The following RAPGEF4 variants were observed in gnomAD, a reference collection of about 807,000 sequenced individuals.
The protein encoded by RAPGEF4 is Rap guanine nucleotide exchange factor 4.
RAPGEF4 carries 66 observed loss-of-function variants against 147.9 expected under a neutral mutation model. The ratio of observed to expected loss-of-function variants is 0.45; its 90% CI spans 0.37 to 0.55. The LOEUF is 0.55. Among genes scored for constraint, RAPGEF4 ranks in the 20% least tolerant of loss-of-function variants. The probability of loss-of-function intolerance (pLI) is 0.00; values close to 1 mark genes in which losing one functional copy is unlikely to be tolerated. For synonymous variants in RAPGEF4, 419 were observed against 442.7 expected, an observed-to-expected ratio of 0.95 and a Z score of 0.67; for missense variants, 1,071 against 1,257.3, an observed-to-expected ratio of 0.85 and a Z score of 2.24.
At chr2:172,992,572 A>C (rs556970098) in intron 15 of RAPGEF4, among the ~76,000 whole-genome samples, 2 of 152,344 alleles carry the variant, frequency 1.3e-5, no homozygotes, top group Non-Finnish European at 2.9e-5. Context: ...TTGGGGAATG[A>C]TCAAAAGCAT....
chr2:172,798,285 AGAAT>A (rs1686596851), intron 3 of RAPGEF4, among the ~76,000 whole-genome samples: 2 of 152,232 alleles, frequency 1.3e-5, no homozygotes, highest in South Asian at 2.1e-4. Flanking sequence ...AAAGAAAGAA[AGAAT>A]ATTAAAAAAA....
intron 3 of RAPGEF4, among the ~76,000 whole-genome samples, chr2:172,801,710 C>T: frequency 6.6e-6 from 1 of 152,100 alleles, no homozygotes. Context: ...AATGCTTGCC[C>T]ATTGTGGTTG....
intron 8 of RAPGEF4, chr2:172,965,294 C>T (rs1689709378): frequency 4.7e-6 from 2 of 424,422 alleles, no homozygotes; most frequent in Admixed American, 3.9e-5. Flanking sequence ...CCTCTAGCGG[C>T]CCCCTGGTCT....
intron 6 of RAPGEF4, among the ~76,000 whole-genome samples, chr2:172,956,666 T>A (rs1482732376): frequency 6.6e-6 from 1 of 152,076 alleles, no homozygotes; most frequent in Non-Finnish European, 1.5e-5. Flanking sequence ...GAGACGGGGT[T>A]TCACCGTGTT....
intron 10 of RAPGEF4, among the ~76,000 whole-genome samples, chr2:172,969,864 C>T (rs1268562287): frequency 2.6e-5 from 4 of 152,246 alleles, no homozygotes; most frequent in East Asian, 1.9e-4. Flanking sequence ...ACCATTGAAT[C>T]GCATGATCCC....
intron 25 of RAPGEF4, among the ~76,000 whole-genome samples, chr2:173,028,315 C>G (rs1696853057): frequency 6.6e-6 from 1 of 152,178 alleles, no homozygotes; most frequent in Non-Finnish European, 1.5e-5. Flanking sequence ...AGCCTTATGG[C>G]AAGGGACAAA....
Position 173,042,165 on chromosome 2 carries a change from A to G in RAPGEF4, c.2853+5473A>G, listed in dbSNP as rs963259173. ...TCACTGATATTTCTCCAGCACCATA[A>G]AAATATCTGACGCATTATTTCCCCA... On this transcript the variant is annotated intron_variant, in intron 29 of 30. Transcript: ENST00000397081. This position sits in a 1 kb window ranked among gnomAD's most constrained non-coding sequence, Gnocchi z 4.2. 3.9e-5 allele frequency among the ~76,000 whole-genome samples: 6 copies of G among 152,210 alleles called. No homozygotes were observed. The highest frequency in any genetic ancestry group is 1.4e-4 in the African/African-American group (6 of 41,440).
intron 1 of RAPGEF4, among the ~76,000 whole-genome samples, chr2:172,737,145 T>C (rs6742924): frequency 0.12 from 17,530 of 152,242 alleles, 1,207 homozygotes; most frequent in African/African-American, 0.19. Flanking sequence ...AAAAGCTTAA[T>C]ATATCTGAGA....
intron 4 of RAPGEF4, among the ~76,000 whole-genome samples, chr2:172,902,600 G>T (rs1015481076): frequency 6.6e-6 from 1 of 152,046 alleles, no homozygotes; most frequent in Non-Finnish European, 1.5e-5. Context: ...CTTCAAACAT[G>T]TGGCACCCTA....
intron 1 of RAPGEF4, among the ~76,000 whole-genome samples, chr2:172,749,443 G>T (rs1227496350): frequency 6.6e-6 from 1 of 152,184 alleles, no homozygotes; most frequent in Non-Finnish European, 1.5e-5. Context: ...CTGAAGCTTT[G>T]GCCTAAGCTG....
At position 173,052,491 on chromosome 2, in the gene RAPGEF4, C is replaced by T. The variant is rs1023842453; in HGVS notation, c.*724C>T. The T allele has an allele frequency of 6.6e-6, 1 of 152,572 alleles. No homozygotes were observed. Among genetic ancestry groups the T allele is most frequent in the Admixed American group, 6.5e-5 (1 of 15,268 alleles). The allele number at this position is 152,572 out of a possible 1,614,324, so 9.5% of individuals were successfully genotyped here. ...TTGCCAGCGTTAAAGTAGAAAATAA[C>T]ATTTCAGAAGAGCACAATATGCATA... On this transcript the variant is annotated 3_prime_UTR_variant, in exon 31 of 31. Coordinates refer to ENST00000397081, the MANE Select transcript of RAPGEF4 (RefSeq NM_007023.4).
chr2:172,743,943 T>G (rs1395963867), intron 1 of RAPGEF4, among the ~76,000 whole-genome samples: 1 of 152,236 alleles, frequency 6.6e-6, no homozygotes, highest in Non-Finnish European at 1.5e-5. Flanking sequence ...CCTATTTCTC[T>G]AAAGCATTCT....
rs1259779920 is a variant in RAPGEF4, at chr2:172,804,716, G to A, written c.297+7103G>A. On this transcript the variant is annotated intron_variant, in intron 3 of 30. Coordinates refer to ENST00000397081, the MANE Select transcript of RAPGEF4 (RefSeq NM_007023.4). Reference sequence around the variant, plus strand: ...CTCACAAGCTCCTCCAGTGTCCGTAGTGGGGTGGAGAGGGGTGATGGGGAT... The same window carrying A: ...CTCACAAGCTCCTCCAGTGTCCGTAATGGGGTGGAGAGGGGTGATGGGGAT... Among the ~76,000 whole-genome samples, 3 of 152,216 alleles carry A rather than the reference G, an allele frequency of 2.0e-5. No homozygotes were observed. In the East Asian group the frequency reaches 5.8e-4, roughly 29 times the overall value.
intron 1 of RAPGEF4, among the ~76,000 whole-genome samples, chr2:172,788,109 T>C (rs1368550105): frequency 6.6e-6 from 1 of 152,202 alleles, no homozygotes; most frequent in Non-Finnish European, 1.5e-5. Flanking sequence ...CTGGGGTCTC[T>C]TATAATAGCA....
chr2:173,050,209 A>G (rs1212412656), intron 30 of RAPGEF4, among the ~76,000 whole-genome samples: 1 of 152,248 alleles, frequency 6.6e-6, no homozygotes, highest in African/African-American at 2.4e-5. Flanking sequence ...AACAATCTAT[A>G]GATAAAGCTA....
At position 173,002,615 on chromosome 2, in the gene RAPGEF4, T is replaced by G. The variant is rs1022051012; in HGVS notation, c.1658+1271T>G. 5.5e-5 allele frequency among the ~76,000 whole-genome samples: 7 copies of G among 128,278 alleles called. No homozygotes were observed. The Admixed American group carries it at 5.7e-4, about 10-fold the overall frequency. 84.2% of individuals were successfully genotyped at this position (128,278 alleles called of 152,430 possible). Reference sequence around the variant, plus strand: ...ATATTGAAGGAGAATGACTCTTTTATTCTTTCTTTTTTTTTTTTTTTAGGA... The same window carrying G: ...ATATTGAAGGAGAATGACTCTTTTAGTCTTTCTTTTTTTTTTTTTTTAGGA... On this transcript the variant is annotated intron_variant, in intron 17 of 30. Coordinates refer to ENST00000397081, the MANE Select transcript of RAPGEF4 (RefSeq NM_007023.4).
At chr2:173,033,035 T>C (rs1697341584) in intron 26 of RAPGEF4, among the ~76,000 whole-genome samples, 1 of 152,202 alleles carries the variant, frequency 6.6e-6, no homozygotes, top group Non-Finnish European at 1.5e-5. Flanking sequence ...ACTCAGGAAC[T>C]AAGCAAAGTA....
At chr2:173,033,886 G>A (rs766569695) in intron 26 of RAPGEF4, 28 bp from the exon 27 acceptor site, 4 of 1,606,442 alleles carry the variant, frequency 2.5e-6, no homozygotes, top group South Asian at 1.1e-5. Flanking sequence ...TCTGACATAT[G>A]CGTGTGGCAT....
intron 4 of RAPGEF4, among the ~76,000 whole-genome samples, chr2:172,822,481 A>T (rs1689177171): frequency 6.6e-6 from 1 of 152,226 alleles, no homozygotes; most frequent in East Asian, 1.9e-4. Flanking sequence ...TACATTATTG[A>T]TAACTAAGAG....
Sources: allele counts gnomAD v4.1 joint callset (sites outside exome capture counted in the v4.1 genomes callset), GRCh38; gene constraint gnomAD v4.1.1; non-coding constraint Gnocchi (gnomAD v3.1); transcripts MANE v1.5; gene names NCBI Gene and HGNC (gene_info 2026-07-23, HGNC 2026-07-21).